Variants in METTL25 observed in about 807,000 individuals in gnomAD.
METTL25 encodes the protein probable methyltransferase-like protein 25.
METTL25 carries 64 observed loss-of-function variants against 71.6 expected under a neutral mutation model. The ratio of observed to expected loss-of-function variants is 0.89; its 90% CI spans 0.73 to 1.10. The LOEUF is 1.10. Ranked by LOEUF, METTL25 falls within the 50% of genes least tolerant of loss-of-function variation. The pLI is 0.00. For synonymous variants in METTL25, 287 were observed against 250.3 expected (o/e 1.15, Z -1.38); for missense variants, 807 against 707.0 (o/e 1.14, Z -1.60).
intron 5 of METTL25, among the ~76,000 whole-genome samples, chr12:82,418,586 C>T (rs558189598): frequency 2.6e-5 from 4 of 152,194 alleles, no homozygotes; most frequent in Non-Finnish European, 4.4e-5. Context: ...GCATATTTCT[C>T]ATCTTGTTTA....
chr12:82,403,209 C>T lies in METTL25; in HGVS notation c.1279+79C>T, dbSNP rs903920100. ...GCTATTTCTATTTTCTATTTCTCCCCGTTTTTTCGTCATTACCATGATTTG... is the reference window on the plus strand; with the variant it reads ...GCTATTTCTATTTTCTATTTCTCCCTGTTTTTTCGTCATTACCATGATTTG... On this transcript the variant is annotated intron_variant, in intron 5 of 11. Transcript: ENST00000248306. The T allele has an allele frequency of 2.5e-5, 34 of 1,376,398 alleles. No individual in the cohort carries two copies. The East Asian group carries it at 3.9e-4, about 16-fold the overall frequency. 85.3% of individuals were successfully genotyped at this position (1,376,398 alleles called of 1,614,324 possible).
At chr12:82,378,644 C>T (rs1043443615) in intron 1 of METTL25, among the ~76,000 whole-genome samples, 1 of 152,204 alleles carries the variant, frequency 6.6e-6, no homozygotes, top group Non-Finnish European at 1.5e-5. Flanking sequence ...CTTAATTCTA[C>T]TCCCTCAAAA....
chr12:82,358,871 TC>T, intron 1 of METTL25, 47 bp downstream of exon 1: 1 of 1,552,696 alleles, frequency 6.4e-7, no homozygotes. Context: ...GAGGAGAAGG[TC>T]CCGGCAGACG....
At chr12:82,389,489 G>A (rs1408715294) in intron 2 of METTL25, among the ~76,000 whole-genome samples, 2 of 151,734 alleles carry the variant, frequency 1.3e-5, no homozygotes, top group East Asian at 3.9e-4. Context: ...TATATGTGTT[G>A]GAATTATCTT....
intron 8 of METTL25, among the ~76,000 whole-genome samples, chr12:82,454,241 CTGGAGGG>C (rs1891332984): frequency 6.6e-6 from 1 of 152,040 alleles, no homozygotes; most frequent in African/African-American, 2.4e-5. Context: ...AGCCCAACTT[CTGGAGGG>C]CCAGAAAAGG....
chr12:82,458,599 T>C (rs1191157172), intron 9 of METTL25, among the ~76,000 whole-genome samples: 1 of 151,992 alleles, frequency 6.6e-6, no homozygotes, highest in Non-Finnish European at 1.5e-5. Flanking sequence ...TTTACCTTAA[T>C]GAGCTCAACC....
intron 7 of METTL25, 26 bp from the exon 8 acceptor site, chr12:82,438,692 C>T: frequency 7.1e-7 from 1 of 1,405,446 alleles, no homozygotes. Context: ...GTTTCTTGTG[C>T]TTATATATGT....
At chr12:82,418,478 C>T (rs949112401) in intron 5 of METTL25, among the ~76,000 whole-genome samples, 3 of 151,986 alleles carry the variant, frequency 2.0e-5, no homozygotes, top group Non-Finnish European at 2.9e-5. Context: ...TTTGAAATAC[C>T]CACTTTAAAA....
intron 9 of METTL25, among the ~76,000 whole-genome samples, chr12:82,461,121 T>C (rs1185433858): frequency 5.3e-5 from 8 of 152,254 alleles, no homozygotes; most frequent in East Asian, 3.9e-4. Flanking sequence ...CCAGCCTGGG[T>C]GACAGAGCAA....
intron 4 of METTL25, among the ~76,000 whole-genome samples, chr12:82,401,224 A>G (rs1424624731): frequency 6.6e-6 from 1 of 152,122 alleles, no homozygotes; most frequent in Non-Finnish European, 1.5e-5. Flanking sequence ...GACATAGGCT[A>G]AAATAACATT....
chr12:82,369,567 G>A (rs540606963), intron 1 of METTL25: 2 of 404,150 alleles, frequency 4.9e-6, no homozygotes, highest in Middle Eastern at 8.3e-4. Flanking sequence ...CACGGTGAGT[G>A]TTAACAGCTC....
chr12:82,378,538 A>G (rs536724188), intron 1 of METTL25, among the ~76,000 whole-genome samples: 1 of 152,332 alleles, frequency 6.6e-6, no homozygotes, highest in African/African-American at 2.4e-5. Context: ...TTAATGTTGA[A>G]AGGGAGCTTA....
chr12:82,424,843 A>G (rs1027763467), intron 5 of METTL25, among the ~76,000 whole-genome samples: 5 of 152,080 alleles, frequency 3.3e-5, no homozygotes, highest in East Asian at 1.9e-4. Context: ...CAGGTAGAAA[A>G]TGACAAGGAT....
intron 5 of METTL25, among the ~76,000 whole-genome samples, chr12:82,407,485 A>G (rs894692496): frequency 3.4e-4 from 52 of 152,156 alleles, no homozygotes; most frequent in South Asian, 2.1e-4. Flanking sequence ...CCTGTCAAAA[A>G]TATCTTACCC....
At chr12:82,448,824 G>C (rs1048135153) in intron 8 of METTL25, among the ~76,000 whole-genome samples, 1 of 152,000 alleles carries the variant, frequency 6.6e-6, no homozygotes, top group African/African-American at 2.4e-5. Context: ...ATTTTATGTT[G>C]ATCTTTTAAG....
intron 2 of METTL25, 103 bp from the exon 3 acceptor site, chr12:82,389,713 T>C (rs1885390347): frequency 3.0e-6 from 2 of 656,280 alleles, no homozygotes; most frequent in Non-Finnish European, 5.4e-6. Flanking sequence ...GTAGAATCTC[T>C]GTATTATTTT....
At chr12:82,472,019 T>C (rs577606744) in intron 9 of METTL25, among the ~76,000 whole-genome samples, 5 of 152,312 alleles carry the variant, frequency 3.3e-5, no homozygotes, top group African/African-American at 1.2e-4. Context: ...TCTTATAGAT[T>C]GCATTGAGTT....
chr12:82,380,705 T>G (rs111852609), intron 1 of METTL25, among the ~76,000 whole-genome samples: 7 of 152,320 alleles, frequency 4.6e-5, no homozygotes, highest in African/African-American at 1.7e-4. Context: ...TGCTGTACAT[T>G]ATTCTAGGTT....
chr12:82,473,740 A>G (rs1050599586), intron 9 of METTL25, among the ~76,000 whole-genome samples: 9 of 152,136 alleles, frequency 5.9e-5, no homozygotes, highest in African/African-American at 1.9e-4. Flanking sequence ...GAGGGCACGC[A>G]GCAATTTTGC....
Sources: allele counts gnomAD v4.1 joint callset (sites outside exome capture counted in the v4.1 genomes callset), GRCh38; gene constraint gnomAD v4.1.1; transcripts MANE v1.5; gene names NCBI Gene and HGNC (gene_info 2026-07-23, HGNC 2026-07-21).